LRRC4C: variants seen among roughly 807,000 people sequenced by gnomAD.
The protein encoded by LRRC4C is leucine-rich repeat-containing protein 4C.
A neutral mutation model predicts 33.6 loss-of-function variants in LRRC4C; 5 were observed. The ratio of observed to expected loss-of-function variants is 0.15; its 90% CI spans 0.08 to 0.31. LRRC4C has a LOEUF of 0.31. LRRC4C is among the 10% of genes least tolerant of loss of function. The pLI is 1.00. For missense variants in LRRC4C, 560 were observed against 796.7 expected (o/e 0.70, Z 3.58); for synonymous variants, 329 against 302.0 (o/e 1.09, Z -0.93).
intron 4 of LRRC4C, among the ~76,000 whole-genome samples, chr11:40,257,186 A>G (rs1867275576): frequency 6.6e-6 from 1 of 152,184 alleles, no homozygotes; most frequent in Admixed American, 6.6e-5. Context: ...TGCTTGGCCC[A>G]GTAATGTTTA....
Position 41,414,394 on chromosome 11 carries a change from GA to G in LRRC4C, c.-496+45036del, listed in dbSNP as rs147172418. On this transcript the variant is annotated intron_variant, in intron 1 of 6. Transcript: ENST00000528697. ...AAGAGAGCTCTCTTTTATAGGTGGA[GA>G]AAAAAGTCTGGTGTCACAAGACAGA... Among the ~76,000 whole-genome samples the G allele has an allele frequency of 2.5e-3, 374 of 152,218 alleles. 3 individuals carry two copies. Among genetic ancestry groups the G allele is most frequent in the African/African-American group, 8.7e-3 (363 of 41,544 alleles).
chr11:40,387,778 G>A (rs1461348542), intron 3 of LRRC4C, among the ~76,000 whole-genome samples: 1 of 152,146 alleles, frequency 6.6e-6, no homozygotes, highest in African/African-American at 2.4e-5. Flanking sequence ...CAGTTACTTT[G>A]TAAATGGTTA....
At chr11:40,790,836 T>C (rs1031209584) in intron 2 of LRRC4C, among the ~76,000 whole-genome samples, 18 of 152,204 alleles carry the variant, frequency 1.2e-4, no homozygotes, top group Admixed American at 1.2e-3. Context: ...ACACATCCTG[T>C]GAAAATTAAT....
chr11:40,741,298 C>T (rs1948147147), intron 2 of LRRC4C, among the ~76,000 whole-genome samples: 1 of 151,922 alleles, frequency 6.6e-6, no homozygotes, highest in Non-Finnish European at 1.5e-5. Flanking sequence ...TATGCCACTC[C>T]AACTGAATAA....
At chr11:40,746,419 G>A (rs1948424509) in intron 2 of LRRC4C, among the ~76,000 whole-genome samples, 1 of 152,202 alleles carries the variant, frequency 6.6e-6, no homozygotes, top group Non-Finnish European at 1.5e-5. Context: ...CTTTAGGACT[G>A]AGGCTGAGGC....
chr11:40,598,728 G>A (rs1959646763), intron 3 of LRRC4C, among the ~76,000 whole-genome samples: 2 of 152,098 alleles, frequency 1.3e-5, no homozygotes, highest in Admixed American at 6.6e-5. Context: ...TATGGCCTGA[G>A]GAAAAGATGG....
At chr11:41,106,645 C>G (rs1250932599) in intron 1 of LRRC4C, among the ~76,000 whole-genome samples, 1 of 152,052 alleles carries the variant, frequency 6.6e-6, no homozygotes, top group Non-Finnish European at 1.5e-5. Context: ...CTTCCTTTTT[C>G]ATCATCTTTC....
intron 3 of LRRC4C, among the ~76,000 whole-genome samples, chr11:40,633,398 T>TCTCTCTCTCTCTTTCTTTCTTTCTTTC (rs1471097288): frequency 6.8e-6 from 1 of 147,656 alleles, no homozygotes; most frequent in African/African-American, 2.5e-5. Flanking sequence ...TTTCTTTCTT[T>TCTCTCTCTCTCTTTCTTTCTTTCTTTC]TTTTTTTTTT....
chr11:40,867,900 C>A (rs1362920658), intron 2 of LRRC4C, among the ~76,000 whole-genome samples: 1 of 152,140 alleles, frequency 6.6e-6, no homozygotes, highest in Non-Finnish European at 1.5e-5. Context: ...TCTGGCAATG[C>A]ACAAGGGAAA....
At chr11:40,704,977 A>G (rs117367940) in intron 2 of LRRC4C, among the ~76,000 whole-genome samples, 1 of 152,242 alleles carries the variant, frequency 6.6e-6, no homozygotes, top group East Asian at 1.9e-4. Flanking sequence ...ATCCAGAACA[A>G]TACTAATGTA....
At chr11:40,661,973 A>G (rs796490924) in intron 2 of LRRC4C, among the ~76,000 whole-genome samples, 20 of 152,356 alleles carry the variant, frequency 1.3e-4, no homozygotes, top group African/African-American at 4.3e-4. Context: ...GAGAAAAGGA[A>G]TGAGGAAGCT....
intron 5 of LRRC4C, among the ~76,000 whole-genome samples, chr11:40,230,037 C>A (rs886776873): frequency 2.0e-5 from 3 of 152,158 alleles, no homozygotes; most frequent in African/African-American, 7.2e-5. Context: ...AATTTCTCAT[C>A]CACATCCTTG....
intron 6 of LRRC4C, among the ~76,000 whole-genome samples, chr11:40,135,896 A>T (rs529767407): frequency 6.6e-6 from 1 of 152,346 alleles, no homozygotes; most frequent in East Asian, 1.9e-4. Context: ...ACAAAGTACA[A>T]TCCACAAAAT....
intron 1 of LRRC4C, among the ~76,000 whole-genome samples, chr11:40,939,954 C>T (rs1958070520): frequency 1.3e-5 from 2 of 152,112 alleles, no homozygotes; most frequent in Non-Finnish European, 2.9e-5. Context: ...CGTGAAGGTC[C>T]AATCAGAGTT....
At chr11:40,157,158 G>A (rs1251716943) in intron 5 of LRRC4C, among the ~76,000 whole-genome samples, 1 of 152,108 alleles carries the variant, frequency 6.6e-6, no homozygotes, top group Admixed American at 6.5e-5. Flanking sequence ...CATAAAGTGT[G>A]GAAAGGACAC....
At chr11:40,365,013 C>A (rs1308093436) in intron 3 of LRRC4C, among the ~76,000 whole-genome samples, 3 of 150,406 alleles carry the variant, frequency 2.0e-5, no homozygotes, top group East Asian at 3.9e-4. Context: ...AAATAAAATT[C>A]TTAATAGTAT....
chr11:40,631,640 C>T (rs1037410503), intron 3 of LRRC4C, among the ~76,000 whole-genome samples: 7 of 151,898 alleles, frequency 4.6e-5, no homozygotes, highest in African/African-American at 1.7e-4. Context: ...TGATAGGTTG[C>T]CTGAGTATTA....
At chr11:40,338,185 G>A (rs538545112) in intron 3 of LRRC4C, among the ~76,000 whole-genome samples, 4 of 152,078 alleles carry the variant, frequency 2.6e-5, no homozygotes, top group East Asian at 1.9e-4. Flanking sequence ...GTTTGGAAAC[G>A]GCTTGACTTG....
intron 1 of LRRC4C, among the ~76,000 whole-genome samples, chr11:41,348,664 A>G (rs978241005): frequency 6.6e-6 from 1 of 151,932 alleles, no homozygotes; most frequent in African/African-American, 2.4e-5. Flanking sequence ...TTGAGAATGG[A>G]TGGAGGGAGG....
Sources: allele counts gnomAD v4.1 joint callset (sites outside exome capture counted in the v4.1 genomes callset), GRCh38; gene constraint gnomAD v4.1.1; transcripts MANE v1.5; gene names NCBI Gene and HGNC (gene_info 2026-07-23, HGNC 2026-07-21).